GCNT1: variants seen among roughly 807,000 people sequenced by gnomAD.
GCNT1 encodes glucosaminyl (N-acetyl) transferase 1.
Under a neutral mutation model 26.2 loss-of-function variants are expected in GCNT1, and 16 were observed. That is an observed-to-expected ratio of 0.61 (90% confidence interval 0.41 to 0.93). GCNT1 has a LOEUF of 0.93. Among genes scored for constraint, GCNT1 ranks in the 40% least tolerant of loss-of-function variants. The probability of loss-of-function intolerance (pLI) is 0.00; values close to 1 mark genes in which losing one functional copy is unlikely to be tolerated. For synonymous variants in GCNT1, 183 were observed against 190.8 expected (o/e 0.96, Z 0.34); for missense variants, 477 against 526.7 (o/e 0.91, Z 0.92).
chr9:76,443,894 A>AAAGGAAGG (rs1554731372), intron 1 of GCNT1, among the ~76,000 whole-genome samples: 4 of 127,298 alleles, frequency 3.1e-5, no homozygotes, highest in East Asian at 4.6e-4. Flanking sequence ...AGAAAGAAAG[A>AAAGGAAGG]AAGAAAGGAA....
At chr9:76,496,536 C>T (rs1244764386) in intron 2 of GCNT1, among the ~76,000 whole-genome samples, 1 of 152,184 alleles carries the variant, frequency 6.6e-6, no homozygotes, top group Non-Finnish European at 1.5e-5. Context: ...CATCTTCCCA[C>T]TCCATTAAGC....
the GCNT1 span, among the ~76,000 whole-genome samples, chr9:76,397,059 A>C: frequency 6.6e-6 from 1 of 152,220 alleles, no homozygotes; most frequent in Non-Finnish European, 1.5e-5. Context: ...AGGCAGGTGG[A>C]TCACCTGAGG....
intron 1 of GCNT1, among the ~76,000 whole-genome samples, chr9:76,431,877 G>A (rs1202972331): frequency 6.6e-6 from 1 of 152,138 alleles, no homozygotes; most frequent in Admixed American, 6.5e-5. Flanking sequence ...TGCGAGGCGA[G>A]GTGGATGGAT....
intron 2 of GCNT1, among the ~76,000 whole-genome samples, chr9:76,472,542 TG>T (rs1824154236): frequency 6.6e-6 from 1 of 152,126 alleles, no homozygotes; most frequent in African/African-American, 2.4e-5. Context: ...GGGTGCAACT[TG>T]GGGCTAGATG....
intron 1 of GCNT1, among the ~76,000 whole-genome samples, chr9:76,427,870 T>G (rs1823277308): frequency 6.6e-6 from 1 of 152,006 alleles, no homozygotes; most frequent in African/African-American, 2.4e-5. Flanking sequence ...CAGTCCCAGA[T>G]AGTTGGGAGG....
the GCNT1 span, chr9:76,399,223 G>A: frequency 1.3e-6 from 2 of 1,497,430 alleles, no homozygotes; most frequent in Non-Finnish European, 1.8e-6. Context: ...GTTTGATGTG[G>A]TAGATGCTGG....
the GCNT1 span, among the ~76,000 whole-genome samples, chr9:76,414,490 G>T: frequency 6.6e-6 from 1 of 152,176 alleles, no homozygotes; most frequent in African/African-American, 2.4e-5. Flanking sequence ...TGAAACAAAA[G>T]AATGGCTATT....
At chr9:76,416,501 C>T (rs1193277042), upstream of GCNT1, among the ~76,000 whole-genome samples, 2 of 152,212 alleles carry the variant, frequency 1.3e-5, no homozygotes, top group Non-Finnish European at 2.9e-5. Context: ...TTGTAACACA[C>T]CCCTAGATGC....
chr9:76,485,383 A>G (rs1212234385), intron 2 of GCNT1, among the ~76,000 whole-genome samples: 1 of 151,844 alleles, frequency 6.6e-6, no homozygotes, highest in Non-Finnish European at 1.5e-5. Context: ...CGAGTTGGCC[A>G]GCCTGGTCTT....
At chr9:76,482,172 C>T (rs564811598) in intron 2 of GCNT1, among the ~76,000 whole-genome samples, 1 of 152,198 alleles carries the variant, frequency 6.6e-6, no homozygotes, top group South Asian at 2.1e-4. Flanking sequence ...GAAATGCAAG[C>T]CACCCATGGC....
chr9:76,457,934 T>C (rs1823786466), upstream of GCNT1, among the ~76,000 whole-genome samples: 1 of 152,118 alleles, frequency 6.6e-6, no homozygotes, highest in Non-Finnish European at 1.5e-5. Context: ...AATCTCAGTT[T>C]TTGTTGGGGG....
At chr9:76,477,998 G>A (rs1365786984) in intron 2 of GCNT1, among the ~76,000 whole-genome samples, 1 of 152,142 alleles carries the variant, frequency 6.6e-6, no homozygotes, top group Non-Finnish European at 1.5e-5. Context: ...GATTGTAAAC[G>A]CACCAATCAG....
the GCNT1 span, among the ~76,000 whole-genome samples, chr9:76,406,845 A>G: frequency 2.0e-5 from 3 of 152,152 alleles, no homozygotes; most frequent in African/African-American, 7.2e-5. Flanking sequence ...GTTAGAGACC[A>G]TCCTGACCAA....
At chr9:76,498,696 C>T (rs185002573) in intron 2 of GCNT1, among the ~76,000 whole-genome samples, 6 of 151,626 alleles carry the variant, frequency 4.0e-5, no homozygotes, top group Non-Finnish European at 7.4e-5. Flanking sequence ...TTGCTTGAAC[C>T]CGGGAGCCAG....
At chr9:76,412,250 A>G in the GCNT1 span, among the ~76,000 whole-genome samples, 403 of 152,324 alleles carry the variant, frequency 2.6e-3, 1 homozygote, top group African/African-American at 9.4e-3. Context: ...GTATGTATAT[A>G]CACCCAATCA....
At chr9:76,422,184 G>A (rs537678563) in intron 1 of GCNT1, among the ~76,000 whole-genome samples, 3 of 152,094 alleles carry the variant, frequency 2.0e-5, no homozygotes, top group African/African-American at 4.8e-5. Context: ...ACCTCCCACC[G>A]GGTCCCTCTC....
intron 2 of GCNT1, among the ~76,000 whole-genome samples, chr9:76,499,623 G>T (rs1334863948): frequency 1.3e-5 from 2 of 151,954 alleles, no homozygotes; most frequent in East Asian, 3.9e-4. Flanking sequence ...ATCCTCTTTG[G>T]CGCTCATTGA....
At chr9:76,421,686 G>GTTTTTTTTTTTT (rs375605387) in intron 1 of GCNT1, among the ~76,000 whole-genome samples, 2 of 84,374 alleles carry the variant, frequency 2.4e-5, no homozygotes, top group Non-Finnish European at 4.4e-5. Context: ...TTGTTTGTAG[G>GTTTTTTTTTTTT]TTGTTTTTTT....
chr9:76,426,142 A>T (rs1199131822), intron 1 of GCNT1, among the ~76,000 whole-genome samples: 1 of 152,174 alleles, frequency 6.6e-6, no homozygotes, highest in Non-Finnish European at 1.5e-5. Flanking sequence ...GGCTGTTATC[A>T]TCTTTGTTTC....
Sources: allele counts gnomAD v4.1 joint callset (sites outside exome capture counted in the v4.1 genomes callset), GRCh38; gene constraint gnomAD v4.1.1; transcripts MANE v1.5; gene names NCBI Gene and HGNC (gene_info 2026-07-23, HGNC 2026-07-21).